CCL26: variants seen among roughly 807,000 people sequenced by gnomAD.
CCL26 encodes the protein C-C motif chemokine 26.
CCL26 carries 10 observed loss-of-function variants against 10.7 expected under a neutral mutation model. The observed-to-expected ratio is 0.93, with a 90% confidence interval of 0.57 to 1.58. The LOEUF (loss-of-function observed/expected upper bound fraction) is 1.58. Ranked by LOEUF, CCL26 falls within the 40% of genes most tolerant of loss-of-function variation. CCL26 has a pLI of 0.00. For synonymous variants in CCL26, 43 were observed against 41.4 expected (o/e 1.04, Z -0.15); for missense variants, 116 against 111.0 (o/e 1.05, Z -0.20).
At chr7:75,774,545 C>T (rs1388513965), upstream of CCL26, among the ~76,000 whole-genome samples, 1 of 151,860 alleles carries the variant, frequency 6.6e-6, no homozygotes, top group Non-Finnish European at 1.5e-5. Context: ...CTCCTGGGTT[C>T]GAATGATTCT....
chr7:75,770,495 C>T (rs948245618), intron 2 of CCL26, among the ~76,000 whole-genome samples: 1 of 152,062 alleles, frequency 6.6e-6, no homozygotes, highest in African/African-American at 2.4e-5. Flanking sequence ...GATTCTTCCG[C>T]CTCAGCCTCC....
intron 2 of CCL26, 27 bp downstream of exon 2, chr7:75,771,862 C>T: frequency 1.3e-6 from 2 of 1,543,954 alleles, no homozygotes; most frequent in Non-Finnish European, 1.8e-6. Flanking sequence ...GATGGGGCCC[C>T]AGAAAGTACG....
At chr7:75,773,006 T>C (rs1802863779), upstream of CCL26, among the ~76,000 whole-genome samples, 1 of 151,192 alleles carries the variant, frequency 6.6e-6, no homozygotes, top group Admixed American at 6.6e-5. Context: ...CAAGATGTGA[T>C]CATAGAGTAG....
upstream of CCL26, among the ~76,000 whole-genome samples, chr7:75,790,266 CCTCTTT>C (rs1803305911): frequency 7.3e-6 from 1 of 137,582 alleles, no homozygotes; most frequent in Admixed American, 7.5e-5. Flanking sequence ...TCCCTCCATA[CCTCTTT>C]CTCTCTCTTT....
At chr7:75,771,292 A>G (rs1032051005) in intron 2 of CCL26, among the ~76,000 whole-genome samples, 4 of 152,088 alleles carry the variant, frequency 2.6e-5, no homozygotes, top group African/African-American at 4.8e-5. Context: ...CATCACCACA[A>G]TCAATTTTAG....
chr7:75,774,858 T>C (rs1802900585), upstream of CCL26, among the ~76,000 whole-genome samples: 1 of 152,048 alleles, frequency 6.6e-6, no homozygotes, highest in African/African-American at 2.4e-5. Context: ...AGTTCAAGGC[T>C]GCAGTGAACT....
chr7:75,784,088 C>T (rs553865435), intron 1 of CCL26, among the ~76,000 whole-genome samples: 29 of 152,244 alleles, frequency 1.9e-4, no homozygotes, highest in Middle Eastern at 3.4e-3. Flanking sequence ...TAATTCCTTG[C>T]CCCCACTGTG....
At chr7:75,782,085 T>G (rs1803077312) in intron 1 of CCL26, among the ~76,000 whole-genome samples, 1 of 152,152 alleles carries the variant, frequency 6.6e-6, no homozygotes, top group Admixed American at 6.6e-5. Flanking sequence ...ATTGGGTAAG[T>G]GGCCTCTTTT....
intron 1 of CCL26, among the ~76,000 whole-genome samples, chr7:75,778,691 A>G (rs538391840): frequency 4.6e-5 from 7 of 151,072 alleles, no homozygotes; most frequent in South Asian, 2.1e-4. Flanking sequence ...CAGTGGCTCA[A>G]TCTCAGCTCA....
chr7:75,777,739 A>AAAAAAAAAAAAAAC (rs1802972956), intron 1 of CCL26, among the ~76,000 whole-genome samples: 4 of 150,870 alleles, frequency 2.7e-5, no homozygotes, highest in Admixed American at 6.6e-5. Flanking sequence ...AAAAAAAAAA[A>AAAAAAAAAAAAAAC]AAAGCAGCAG....
intron 1 of CCL26, among the ~76,000 whole-genome samples, chr7:75,784,381 C>T (rs1803135507): frequency 6.6e-6 from 1 of 152,232 alleles, no homozygotes; most frequent in African/African-American, 2.4e-5. Flanking sequence ...CCCAGATCTT[C>T]TCGGCTTAAC....
chr7:75,773,966 C>T (rs1802883427), upstream of CCL26, among the ~76,000 whole-genome samples: 1 of 152,098 alleles, frequency 6.6e-6, no homozygotes, highest in Non-Finnish European at 1.5e-5. Flanking sequence ...TTACTCCAGC[C>T]TCCCAAAGCA....
intron 1 of CCL26, among the ~76,000 whole-genome samples, chr7:75,780,160 A>C (rs1803030488): frequency 7.2e-6 from 1 of 139,790 alleles, no homozygotes; most frequent in Non-Finnish European, 1.5e-5. Flanking sequence ...CTGGGGGGCA[A>C]ACACTTCCCA....
chr7:75,780,481 T>C (rs1803038204), intron 1 of CCL26, among the ~76,000 whole-genome samples: 1 of 152,182 alleles, frequency 6.6e-6, no homozygotes, highest in Admixed American at 6.6e-5. Context: ...TATTTTCTTC[T>C]GCAGCACCAC....
Position 75,771,865 on chromosome 7 carries a change from AAAGT to A in CCL26, c.188+20_188+23del, listed in dbSNP as rs1802828034. The A allele has an allele frequency of 1.3e-6, 2 of 1,552,430 alleles. No homozygotes were observed. The highest frequency in any genetic ancestry group is 1.1e-5 in the South Asian group (1 of 89,826). On this transcript the variant is annotated intron_variant, in intron 2 of 2. Transcript: ENST00000005180. ...TGTTGCATGACTGATGGGGCCCCAG[AAAGT>A]ACGTCCGAGAAATACTCACATCACA...
chr7:75,771,659 T>A (rs879961307), intron 2 of CCL26, among the ~76,000 whole-genome samples: 1 of 152,102 alleles, frequency 6.6e-6, no homozygotes, highest in Non-Finnish European at 1.5e-5. Flanking sequence ...GAGGTTGCAG[T>A]GAGCCAAGAT....
upstream of CCL26, among the ~76,000 whole-genome samples, chr7:75,772,761 G>T (rs1196233776): frequency 6.6e-6 from 1 of 152,172 alleles, no homozygotes; most frequent in Admixed American, 6.6e-5. Context: ...AAGAGAATTT[G>T]GGAGAAGAGC....
At chr7:75,780,261 T>C (rs1172292897) in intron 1 of CCL26, among the ~76,000 whole-genome samples, 2 of 151,390 alleles carry the variant, frequency 1.3e-5, no homozygotes, top group African/African-American at 4.9e-5. Context: ...TCTCTCCGTG[T>C]CTCTACCCTA....
At chr7:75,782,022 A>C (rs1554529511) in intron 1 of CCL26, among the ~76,000 whole-genome samples, 7 of 152,196 alleles carry the variant, frequency 4.6e-5, no homozygotes, top group Non-Finnish European at 1.5e-5. Context: ...TGATCCACCT[A>C]TGACTTCTGG....
Sources: allele counts gnomAD v4.1 joint callset (sites outside exome capture counted in the v4.1 genomes callset), GRCh38; gene constraint gnomAD v4.1.1; transcripts MANE v1.5; gene names NCBI Gene and HGNC (gene_info 2026-07-23, HGNC 2026-07-21).